FAT3: variants seen among roughly 807,000 people sequenced by gnomAD.
FAT3 encodes protocadherin Fat 3.
FAT3 carries 95 observed loss-of-function variants against 310.2 expected under a neutral mutation model. The observed-to-expected ratio is 0.31, with a 90% CI of 0.26 to 0.36. FAT3 has a LOEUF of 0.36. FAT3 is among the 10% of genes least tolerant of loss of function. The pLI is 1.00. For missense variants in FAT3, 5,408 were observed against 5,715.6 expected, an observed-to-expected ratio of 0.95 and a Z score of 1.74; for synonymous variants, 2,314 against 2,192.9, an observed-to-expected ratio of 1.06 and a Z score of -1.54.
At chr11:92,669,200 T>C (rs932654651) in intron 3 of FAT3, among the ~76,000 whole-genome samples, 9 of 152,214 alleles carry the variant, frequency 5.9e-5, no homozygotes, top group Non-Finnish European at 1.0e-4. Flanking sequence ...TCAAGTAATA[T>C]GTTCTTTTTA....
intron 1 of FAT3, among the ~76,000 whole-genome samples, chr11:92,294,786 A>G (rs948596453): frequency 6.6e-6 from 1 of 150,606 alleles, no homozygotes; most frequent in Non-Finnish European, 1.5e-5. Context: ...GTGGAAAATG[A>G]ATAAATAAAA....
intron 1 of FAT3, among the ~76,000 whole-genome samples, chr11:92,311,340 A>AT (rs1947300022): frequency 6.6e-6 from 1 of 152,142 alleles, no homozygotes; most frequent in Non-Finnish European, 1.5e-5. Flanking sequence ...GATGTATTTT[A>AT]TTGGGGACGG....
chr11:92,762,240 C>T (rs2136087241), intron 5 of FAT3, 70 bp downstream of exon 5: 1 of 1,415,848 alleles, frequency 7.1e-7, no homozygotes. Flanking sequence ...CAAGTATACT[C>T]CTTTGAGCAA....
At chr11:92,745,811 C>CAACCAACAAATATTTGTTGAG (rs1183440650) in intron 4 of FAT3, among the ~76,000 whole-genome samples, 1 of 152,180 alleles carries the variant, frequency 6.6e-6, no homozygotes, top group Non-Finnish European at 1.5e-5. Context: ...TGCATGCATT[C>CAACCAACAAATATTTGTTGAG]AACCAACAAA....
chr11:92,593,513 G>A (rs1939544555), intron 3 of FAT3, among the ~76,000 whole-genome samples: 1 of 151,624 alleles, frequency 6.6e-6, no homozygotes. Flanking sequence ...AGGACCTACT[G>A]ATTGAAAGAT....
intron 2 of FAT3, among the ~76,000 whole-genome samples, chr11:92,408,959 T>C (rs1003927021): frequency 5.9e-5 from 9 of 152,330 alleles, no homozygotes; most frequent in African/African-American, 1.7e-4. Flanking sequence ...CAAAAGTTCG[T>C]TTTAAAATTA....
intron 2 of FAT3, among the ~76,000 whole-genome samples, chr11:92,360,122 C>T (rs905904133): frequency 1.3e-5 from 2 of 152,088 alleles, no homozygotes; most frequent in African/African-American, 4.8e-5. Context: ...CGTCTCAGCC[C>T]AAAATCTCCT....
At chr11:92,663,002 G>A (rs1012596772) in intron 3 of FAT3, among the ~76,000 whole-genome samples, 6 of 152,204 alleles carry the variant, frequency 3.9e-5, no homozygotes, top group African/African-American at 1.4e-4. Flanking sequence ...GCTGGAGACT[G>A]GCTTAGGAAG....
chr11:92,743,637 G>C (rs1270961177), intron 4 of FAT3, among the ~76,000 whole-genome samples: 1 of 152,196 alleles, frequency 6.6e-6, no homozygotes, highest in Non-Finnish European at 1.5e-5. Context: ...GGCCGCATGT[G>C]TCCTAAGGAG....
Position 92,703,768 on chromosome 11 carries a change from TTTC to T in FAT3, c.3669+6329_3669+6331del, listed in dbSNP as rs368615601. On this transcript the variant is annotated intron_variant, in intron 4 of 27. Coordinates refer to ENST00000525166, the MANE Select transcript of FAT3 (RefSeq NM_001367949.2). ...CTGGCATTGGGCCAAGTACTAAGGT[TTTC>T]TTCTTAGAATTAGTGTGGTTTTCCC... 2.0e-5 allele frequency among the ~76,000 whole-genome samples: 3 copies of T among 152,398 alleles called. No individual in the cohort carries two copies. In the South Asian group the frequency reaches 6.2e-4, roughly 32 times the overall value.
intron 7 of FAT3, 77 bp downstream of exon 7, chr11:92,774,257 A>G (rs1044077647): frequency 2.1e-6 from 3 of 1,418,610 alleles, no homozygotes; most frequent in Non-Finnish European, 1.9e-6. Context: ...TGAAAAAAAA[A>G]TGTAATGGAA....
intron 22 of FAT3, among the ~76,000 whole-genome samples, chr11:92,874,701 G>A (rs952633203): frequency 2.0e-5 from 3 of 152,100 alleles, no homozygotes; most frequent in East Asian, 1.9e-4. Context: ...CACCATGCCC[G>A]GCTAATTTTG....
chr11:92,358,950 T>C (rs1948806371), intron 2 of FAT3, among the ~76,000 whole-genome samples: 1 of 152,206 alleles, frequency 6.6e-6, no homozygotes, highest in Non-Finnish European at 1.5e-5. Context: ...TTTAAGTCTT[T>C]TAAAACCTTT....
At chr11:92,639,722 T>G (rs1941889426) in intron 3 of FAT3, among the ~76,000 whole-genome samples, 1 of 152,246 alleles carries the variant, frequency 6.6e-6, no homozygotes, top group Non-Finnish European at 1.5e-5. Context: ...ATTGTGATTT[T>G]CATCCTTTAC....
intron 9 of FAT3, among the ~76,000 whole-genome samples, chr11:92,793,399 G>A (rs1449528848): frequency 1.3e-5 from 2 of 152,064 alleles, no homozygotes; most frequent in African/African-American, 4.8e-5. Context: ...GGTGGTCTGT[G>A]GGCTTCAGAA....
chr11:92,514,896 G>T (rs1953424679), intron 2 of FAT3, among the ~76,000 whole-genome samples: 1 of 152,156 alleles, frequency 6.6e-6, no homozygotes, highest in Admixed American at 6.6e-5. Flanking sequence ...TTTTGTCTCA[G>T]TGTGAAGAAG....
chr11:92,636,167 T>A (rs1405717775), intron 3 of FAT3, among the ~76,000 whole-genome samples: 1 of 152,128 alleles, frequency 6.6e-6, no homozygotes, highest in Non-Finnish European at 1.5e-5. Context: ...TTTACCATGT[T>A]GGCCAGGCTG....
chr11:92,725,439 G>A (rs1423128860), intron 4 of FAT3, among the ~76,000 whole-genome samples: 2 of 152,110 alleles, frequency 1.3e-5, no homozygotes, highest in Non-Finnish European at 2.9e-5. Flanking sequence ...CCTCATCAAA[G>A]TGTAGTGTTC....
chr11:92,586,334 A>G (rs893902486), intron 3 of FAT3, among the ~76,000 whole-genome samples: 1 of 152,010 alleles, frequency 6.6e-6, no homozygotes. Context: ...CACAGCCTGC[A>G]GTCTTAAAAA....
Sources: gnomAD v4.1 joint callset for allele counts (sites outside exome capture counted in the v4.1 genomes callset) on GRCh38, gnomAD v4.1.1 for gene constraint, MANE v1.5 for transcripts, NCBI Gene and HGNC (gene_info 2026-07-23, HGNC 2026-07-21) for gene names.